HSD17B10: variants seen among roughly 807,000 people sequenced by gnomAD.
HSD17B10 encodes hydroxysteroid 17-beta dehydrogenase 10.
For synonymous variants in HSD17B10, 90 were observed against 85.9 expected (o/e 1.05, Z -0.26); for missense variants, 87 against 219.4 (o/e 0.40, Z 3.81).
Position 53,434,129 on chromosome X carries a change from T to TAGAC in HSD17B10, c.27+186_27+189dup, listed in dbSNP as rs782178653. 9.5e-4 allele frequency: 536 copies of TAGAC among 565,872 alleles called. 3 individuals are homozygous for TAGAC. The highest frequency in any genetic ancestry group is 3.9e-4 in the Non-Finnish European group (129 of 332,434). 46.6% of individuals were successfully genotyped at this position (565,872 alleles called of 1,213,427 possible). ...GATAGATGATTGATAGATAGATAGA[T>TAGAC]AGACAGACAGACAGACAGACAGATG... On this transcript the variant is annotated intron_variant, in intron 1 of 5. Transcript: ENST00000168216.
chrX:53,432,125 CAGATGGAG>C lies in HSD17B10; in HGVS notation c.358-17_358-10del, dbSNP rs1467069869. Reference sequence around the variant, plus strand: ...GTGCCCATGAGATTCACCTGTAGGACAGATGGAGACATGCTATAGGACCTGAGGCAGAA... The same window carrying C: ...GTGCCCATGAGATTCACCTGTAGGACACATGCTATAGGACCTGAGGCAGAA... On this transcript the variant is annotated splice_polypyrimidine_tract_variant and intron_variant, in intron 3 of 5. Coordinates refer to ENST00000168216, the MANE Select transcript of HSD17B10 (RefSeq NM_004493.3). 1 of 1,211,472 alleles carries C rather than the reference CAGATGGAG, an allele frequency of 8.3e-7. No individual in the cohort carries two copies. Among genetic ancestry groups the C allele is most frequent in the Non-Finnish European group, 1.1e-6 (1 of 895,410 alleles).
rs2075828065 is a variant in HSD17B10 at position 53,432,311 on chromosome X, C to A, written c.293G>T (p.Ser98Ile). The change falls in exon 3 of 6, where the codon AGC (serine) becomes ATC (isoleucine). Residue 98 changes from serine to isoleucine, a missense_variant. Physicochemically the swap from Ser to Ile is moderately radical, Grantham distance 142 (BLOSUM62 -2). Coordinates refer to ENST00000168216, the MANE Select transcript of HSD17B10 (RefSeq NM_004493.3). Reference sequence around the variant, plus strand: ...GCCCTTCTTTAAGTTGTACGTCTTGCTAGCCACCGCGATGCCTGCACAGTT... The same window carrying A: ...GCCCTTCTTTAAGTTGTACGTCTTGATAGCCACCGCGATGCCTGCACAGTT... ...AVNCAGIAVA[S>I]KTYNLKKGQT... 6.6e-6 allele frequency: 8 copies of A among 1,210,829 alleles called. No homozygotes were observed. Among genetic ancestry groups the A allele is most frequent in the Non-Finnish European group, 8.9e-6 (8 of 894,779 alleles).
intron 1 of HSD17B10, 118 bp from the exon 2 acceptor site, chrX:53,434,004 C>T: frequency 1.2e-6 from 1 of 835,458 alleles, no homozygotes; most frequent in Admixed American, 2.6e-5. Flanking sequence ...GTCGTGGTCA[C>T]CCCTGCGGGT....
At chrX:53,431,721 G>A in intron 5 of HSD17B10, 77 bp downstream of exon 5, 2 of 1,017,282 alleles carry the variant, frequency 2.0e-6, no homozygotes, top group Non-Finnish European at 2.7e-6. Flanking sequence ...CTGCTTAGGT[G>A]GTGGATACCT....
intron 2 of HSD17B10, 46 bp downstream of exon 2, chrX:53,433,676 G>A (rs1363323907): frequency 8.7e-7 from 1 of 1,155,528 alleles, no homozygotes; most frequent in African/African-American, 1.8e-5. Flanking sequence ...GGCCGGTGTT[G>A]GTGACCTCAT....
At chrX:53,431,940 C>A in intron 4 of HSD17B10, 34 bp from the exon 5 acceptor site, 1 of 1,210,011 alleles carries the variant, frequency 8.3e-7, no homozygotes. Flanking sequence ...GGTGGGAGGG[C>A]CCCAACAAGT....
chrX:53,432,194 A>G, intron 3 of HSD17B10, 53 bp downstream of exon 3: 1 of 1,205,984 alleles, frequency 8.3e-7, no homozygotes, highest in South Asian at 1.8e-5. Flanking sequence ...GGGGTCCTCC[A>G]CAGCCAGATA....
Position 53,431,509 on chromosome X carries a change from C to G in HSD17B10, c.681G>C (p.Leu227=), listed in dbSNP as rs1189053870. ...GGTGAGCATACTCAGCAGGGTCACC[C>G]AGTCGGCTAGGGAAGGGCACTTGGC... The part of the protein sequence containing the change: ...LASQVPFPSR[L]GDPAEYAHLV... The change falls in exon 6 of 6, where the codon CTG becomes CTC. Residue 227 remains leucine (L), a synonymous_variant. Transcript: ENST00000168216. 18 of 1,208,708 alleles carry G rather than the reference C, an allele frequency of 1.5e-5. No individual in the cohort carries two copies. Among genetic ancestry groups the G allele is most frequent in the Non-Finnish European group, 1.9e-5 (17 of 894,135 alleles).
chrX:53,432,180 C>T, intron 3 of HSD17B10, 64 bp from the exon 4 acceptor site: 1 of 1,206,789 alleles, frequency 8.3e-7, no homozygotes, highest in Non-Finnish European at 1.1e-6. Flanking sequence ...CCCCTAAAAA[C>T]TTTGGGGTCC....
rs2075824053 is a variant in HSD17B10 at position 53,431,358 on chromosome X, G to A, written c.*46C>T. The A allele has an allele frequency of 8.8e-6, 10 of 1,134,794 alleles. No individual in the cohort carries two copies. In the East Asian group the frequency reaches 2.7e-4, roughly 31 times the overall value. 93.5% of individuals were successfully genotyped at this position (1,134,794 alleles called of 1,213,427 possible). On this transcript the variant is annotated 3_prime_UTR_variant, in exon 6 of 6. Coordinates refer to ENST00000168216, the MANE Select transcript of HSD17B10 (RefSeq NM_004493.3). ...TCCCAAGCTGGAGAGTAGTACCCCA[G>A]GGAAAGGAAGGGCAGAGGAGCGTGT...
intron 3 of HSD17B10, 38 bp downstream of exon 3, chrX:53,432,209 T>A: frequency 3.3e-6 from 4 of 1,207,604 alleles, no homozygotes; most frequent in Non-Finnish European, 4.5e-6. Context: ...CAGATACTTC[T>A]TACTACCACT....
In HSD17B10 at chrX:53,431,457, A is replaced by G; in HGVS notation, c.733T>C (p.Phe245Leu). Residue 245 changes from phenylalanine to leucine, a missense_variant, in exon 6 of 6, where the codon TTC becomes CTC. Physicochemically the swap from Phe to Leu is conservative, Grantham distance 22 (BLOSUM62 0). Coordinates refer to ENST00000168216, the MANE Select transcript of HSD17B10 (RefSeq NM_004493.3). ...HLVQAIIENP[F>L]LNGEVIRLDG... ...AGCCGGATGACCTCTCCATTGAGGA[A>G]TGGGTTCTCGATGATGGCCTGTACG... 8.3e-7 allele frequency: 1 copy of G among 1,210,470 alleles called. No individual in the cohort carries two copies. Among genetic ancestry groups the G allele is most frequent in the Non-Finnish European group, 1.1e-6 (1 of 894,589 alleles).
intron 2 of HSD17B10, 92 bp downstream of exon 2, chrX:53,433,630 G>A (rs2075833742): frequency 1.1e-6 from 1 of 887,260 alleles, no homozygotes; most frequent in South Asian, 2.1e-5. Context: ...CCCCCATAGA[G>A]GAGACCCTTA....
In HSD17B10 at chrX:53,431,777, GGAGA is replaced by G. The variant is rs782819364; in HGVS notation, c.595+17_595+20del. ...GATCCCACCCAATCCCAGGTATGAT[GGAGA>G]GAGGGGATATGTCTACCTGGGGCAA... is the stretch of plus-strand genomic sequence containing the variant. On this transcript the variant is annotated intron_variant, in intron 5 of 5. Transcript: ENST00000168216. The G allele has an allele frequency of 2.0e-5, 23 of 1,158,064 alleles. No homozygotes were observed. Among genetic ancestry groups the G allele is most frequent in the Non-Finnish European group, 2.1e-5 (18 of 849,547 alleles).
chrX:53,434,095 CGATA>C (rs1278966924), intron 1 of HSD17B10: 12 of 556,276 alleles, frequency 2.2e-5, no homozygotes, highest in African/African-American at 4.5e-5. Context: ...CGTCCCGTGA[CGATA>C]GATAGATAGA....
At chrX:53,432,524 G>T in intron 2 of HSD17B10, 113 bp from the exon 3 acceptor site, 1 of 638,949 alleles carries the variant, frequency 1.6e-6, no homozygotes, top group Non-Finnish European at 2.5e-6. Flanking sequence ...AGAGATTTGT[G>T]AGAAGGGAGA....
At position 53,434,311 on chromosome X, in the gene HSD17B10, CCTT is replaced by C; in HGVS notation, c.27+5_27+7del. 1 of 1,168,130 alleles carries C rather than the reference CCTT, an allele frequency of 8.6e-7. No individual in the cohort carries two copies. The highest frequency in any genetic ancestry group is 1.1e-6 in the Non-Finnish European group (1 of 872,900). On this transcript the variant is annotated splice_donor_5th_base_variant and intron_variant, in intron 1 of 5. Coordinates refer to ENST00000168216, the MANE Select transcript of HSD17B10 (RefSeq NM_004493.3). ...GAAGGCAAGCAACAGAGGCAAAGAA[CCTT>C]CTACCTTCACGCTCCGACACGCTGC...
chrX:53,434,342 C>A lies in HSD17B10; in HGVS notation c.4G>T (p.Ala2Ser). 1 of 1,168,628 alleles carries A rather than the reference C, an allele frequency of 8.6e-7. No individual in the cohort carries two copies. The highest frequency in any genetic ancestry group is 1.1e-6 in the Non-Finnish European group (1 of 873,305). ...ACCTTCACGCTCCGACACGCTGCTG[C>A]CATCTTGTCGCCGGCCACTCCACGG... M[A>S]AACRSVKGLV... The change falls in exon 1 of 6, where the codon GCA becomes TCA. Residue 2 changes from alanine (A) to serine (S), a missense_variant. Physicochemically the swap from Ala to Ser is moderately conservative, Grantham distance 99 (BLOSUM62 1). Coordinates refer to ENST00000168216, the MANE Select transcript of HSD17B10 (RefSeq NM_004493.3).
intron 3 of HSD17B10, 50 bp downstream of exon 3, chrX:53,432,197 G>A: frequency 6.6e-6 from 8 of 1,205,965 alleles, no homozygotes; most frequent in Non-Finnish European, 9.0e-6. Context: ...GTCCTCCACA[G>A]CCAGATACTT....
Sources: allele counts gnomAD v4.1 joint callset, GRCh38; gene constraint gnomAD v4.1.1; transcripts MANE v1.5; gene names NCBI Gene and HGNC (gene_info 2026-07-23, HGNC 2026-07-21).